FERRY3: variants seen among roughly 807,000 people sequenced by gnomAD.
FERRY3 encodes the protein FERRY endosomal RAB5 effector complex subunit 3.
At chr12:4,534,437 T>A in the FERRY3 span, 1 of 985,840 alleles carries the variant, frequency 1.0e-6, no homozygotes, top group Non-Finnish European at 1.4e-6. Context: ...GGTCTCTCTC[T>A]CTGTTACACA....
chr12:4,532,263 T>C, the FERRY3 span, among the ~76,000 whole-genome samples: 1 of 151,976 alleles, frequency 6.6e-6, no homozygotes, highest in Non-Finnish European at 1.5e-5. Flanking sequence ...GCAAGATAGC[T>C]GCAAGACTGC....
At chr12:4,505,201 CAT>C in the FERRY3 span, 6 of 726,070 alleles carry the variant, frequency 8.3e-6, no homozygotes, top group Admixed American at 9.9e-5. Context: ...GATATAATGA[CAT>C]ATACTAAAAT....
chr12:4,534,366 T>C, the FERRY3 span: 2 of 1,474,860 alleles, frequency 1.4e-6, no homozygotes, highest in Non-Finnish European at 1.8e-6. Flanking sequence ...AACATTTTAC[T>C]TGGCTGAGAA....
At chr12:4,533,705 A>G in the FERRY3 span, among the ~76,000 whole-genome samples, 9 of 152,368 alleles carry the variant, frequency 5.9e-5, no homozygotes, top group South Asian at 1.9e-3. Flanking sequence ...ATAAAAGTAA[A>G]CCAAAGGTTA....
At chr12:4,513,295 T>C in the FERRY3 span, among the ~76,000 whole-genome samples, 2 of 150,854 alleles carry the variant, frequency 1.3e-5, no homozygotes, top group Non-Finnish European at 2.9e-5. Flanking sequence ...AGAATCAATA[T>C]CGTGAAAATG....
At chr12:4,501,247 C>G in the FERRY3 span, among the ~76,000 whole-genome samples, 1 of 152,184 alleles carries the variant, frequency 6.6e-6, no homozygotes, top group Non-Finnish European at 1.5e-5. Context: ...TTGTAACATT[C>G]TCTTAATCGA....
the FERRY3 span, chr12:4,529,768 C>G: frequency 9.9e-7 from 1 of 1,009,202 alleles, no homozygotes; most frequent in Non-Finnish European, 1.4e-6. Context: ...GTTTTTTTTT[C>G]TATCTTATCC....
the FERRY3 span, among the ~76,000 whole-genome samples, chr12:4,496,518 GA>G: frequency 6.6e-6 from 1 of 152,168 alleles, no homozygotes; most frequent in Non-Finnish European, 1.5e-5. Context: ...AGGATCAGGT[GA>G]AACACTATAG....
the FERRY3 span, among the ~76,000 whole-genome samples, chr12:4,496,593 TTCTA>T: frequency 6.6e-6 from 1 of 151,336 alleles, no homozygotes; most frequent in Non-Finnish European, 1.5e-5. Flanking sequence ...GCAAAGAAGA[TTCTA>T]AACCTATGAA....
At chr12:4,511,380 C>A in the FERRY3 span, among the ~76,000 whole-genome samples, 1 of 152,130 alleles carries the variant, frequency 6.6e-6, no homozygotes, top group African/African-American at 2.4e-5. Flanking sequence ...CAGCTCTGCA[C>A]CAAGTGGACC....
chr12:4,520,672 A>G, the FERRY3 span, among the ~76,000 whole-genome samples: 2 of 152,230 alleles, frequency 1.3e-5, no homozygotes, highest in Non-Finnish European at 2.9e-5. Context: ...GGTACAGTGT[A>G]CATTGCTCGG....
chr12:4,525,634 A>G, the FERRY3 span: 3 of 1,302,742 alleles, frequency 2.3e-6, no homozygotes, highest in African/African-American at 1.5e-5. Flanking sequence ...TTCAAGGTAT[A>G]TGATCCTTCA....
At chr12:4,503,407 G>A in the FERRY3 span, among the ~76,000 whole-genome samples, 2 of 152,054 alleles carry the variant, frequency 1.3e-5, no homozygotes, top group Non-Finnish European at 2.9e-5. Context: ...TTCCTTACAA[G>A]GTTATTATGA....
the FERRY3 span, chr12:4,525,448 C>G: frequency 2.5e-6 from 4 of 1,600,522 alleles, no homozygotes; most frequent in East Asian, 8.9e-5. Flanking sequence ...AAAGAAAATG[C>G]AACTGCATAC....
the FERRY3 span, among the ~76,000 whole-genome samples, chr12:4,523,183 A>AG: frequency 6.6e-6 from 1 of 152,254 alleles, no homozygotes; most frequent in Non-Finnish European, 1.5e-5. Flanking sequence ...TTCCATATAT[A>AG]GTTGTGTTGA....
At chr12:4,505,351 C>T in the FERRY3 span, 1 of 1,606,014 alleles carries the variant, frequency 6.2e-7, no homozygotes, top group East Asian at 2.2e-5. Flanking sequence ...TTAGTCTTAT[C>T]ATCATTTCCT....
At chr12:4,500,433 G>C in the FERRY3 span, 13 of 1,082,286 alleles carry the variant, frequency 1.2e-5, no homozygotes, top group Admixed American at 2.1e-4. Flanking sequence ...GGCAATCAAT[G>C]TGTTGAACTA....
chr12:4,523,710 C>CA, the FERRY3 span, among the ~76,000 whole-genome samples: 1 of 152,112 alleles, frequency 6.6e-6, no homozygotes, highest in African/African-American at 2.4e-5. Context: ...ATCACAAGGA[C>CA]AAAAAACCAA....
chr12:4,537,324 C>T, the FERRY3 span, among the ~76,000 whole-genome samples: 2 of 152,174 alleles, frequency 1.3e-5, no homozygotes, highest in African/African-American at 4.8e-5. Flanking sequence ...CCGACAGGCT[C>T]TCATATTAGC....
Sources: allele counts gnomAD v4.1 joint callset (sites outside exome capture counted in the v4.1 genomes callset), GRCh38; gene constraint gnomAD v4.1.1; transcripts MANE v1.5; gene names NCBI Gene and HGNC (gene_info 2026-07-23, HGNC 2026-07-21).